DNAH11: variants seen among roughly 807,000 people sequenced by gnomAD.
DNAH11 encodes dynein axonemal heavy chain 11.
A neutral mutation model predicts 526.0 loss-of-function variants in DNAH11; 442 were observed. The observed-to-expected ratio is 0.84, with a 90% CI of 0.78 to 0.91. The LOEUF (loss-of-function observed/expected upper bound fraction) is 0.91, where lower values mean the gene tolerates loss of function less well. Ranked by LOEUF, DNAH11 falls within the 40% of genes least tolerant of loss-of-function variation. The pLI is 0.00. For synonymous variants in DNAH11, 2,461 were observed against 1,935.9 expected (o/e 1.27, Z -7.12); for missense variants, 6,989 against 5,448.7 (o/e 1.28, Z -8.90).
At chr7:21,807,064 A>C (rs771494644) in intron 62 of DNAH11, among the ~76,000 whole-genome samples, 33 of 152,228 alleles carry the variant, frequency 2.2e-4, no homozygotes, top group Non-Finnish European at 4.1e-4. Flanking sequence ...TGTTTTAACT[A>C]ATTAAGTAGA....
chr7:21,863,054 A>G (rs1783125710), intron 69 of DNAH11, among the ~76,000 whole-genome samples: 1 of 128,830 alleles, frequency 7.8e-6, no homozygotes, highest in African/African-American at 3.1e-5. Context: ...ACAGAGCGAG[A>G]CTCCGTCTCA....
At chr7:21,751,076 C>T (rs1786392729) in intron 54 of DNAH11, among the ~76,000 whole-genome samples, 1 of 152,122 alleles carries the variant, frequency 6.6e-6, no homozygotes, top group African/African-American at 2.4e-5. Flanking sequence ...GTAATCCCAG[C>T]ACTTTAGGAA....
intron 65 of DNAH11, among the ~76,000 whole-genome samples, chr7:21,819,735 T>C (rs1324269501): frequency 1.3e-5 from 2 of 152,224 alleles, no homozygotes; most frequent in Admixed American, 1.3e-4. Flanking sequence ...ATTTGAGTCA[T>C]GATTCTCAGT....
chr7:21,649,122 G>C (rs1291588658), intron 28 of DNAH11, among the ~76,000 whole-genome samples: 1 of 152,082 alleles, frequency 6.6e-6, no homozygotes, highest in Non-Finnish European at 1.5e-5. Context: ...ACCCACCAAA[G>C]GCTAAAATTA....
intron 28 of DNAH11, among the ~76,000 whole-genome samples, chr7:21,650,213 A>G (rs1281844920): frequency 1.3e-5 from 2 of 152,218 alleles, no homozygotes; most frequent in African/African-American, 4.8e-5. Context: ...ATATACGGAT[A>G]TGTTTAAGTT....
intron 63 of DNAH11, among the ~76,000 whole-genome samples, chr7:21,815,371 C>A (rs1409073196): frequency 6.6e-6 from 1 of 152,162 alleles, no homozygotes; most frequent in African/African-American, 2.4e-5. Context: ...TTCAATATCA[C>A]TCGGAGATAG....
At chr7:21,789,704 T>A (rs895834890) in intron 61 of DNAH11, among the ~76,000 whole-genome samples, 4 of 152,306 alleles carry the variant, frequency 2.6e-5, no homozygotes, top group Non-Finnish European at 4.4e-5. Context: ...AGTTAACCTC[T>A]ATGAGCCTCT....
rs555394522 is a variant in DNAH11, at chr7:21,616,151, G to A, written c.4012-58G>A. 5 of 1,303,050 alleles carry A rather than the reference G, an allele frequency of 3.8e-6. No individual in the cohort carries two copies. The African/African-American group carries it at 7.3e-5, about 19-fold the overall frequency. 80.7% of individuals were successfully genotyped at this position (1,303,050 alleles called of 1,614,324 possible). ...GTATCATCAGTTTATATATTTTGCT[G>A]CAGAGACTTGCTTTCACCAAATGTT... On this transcript the variant is annotated intron_variant, in intron 21 of 81. Coordinates refer to ENST00000409508, the MANE Select transcript of DNAH11 (RefSeq NM_001277115.2).
rs1789817900 is a variant in DNAH11 at position 21,816,836 on chromosome 7, C to T, written c.10568+134C>T. The T allele has an allele frequency of 7.0e-6, 5 of 716,570 alleles. No homozygotes were observed. The Middle Eastern group carries it at 1.2e-3, about 171-fold the overall frequency. The allele number at this position is 716,570 out of a possible 1,614,324, so 44.4% of individuals were successfully genotyped here. On this transcript the variant is annotated intron_variant, in intron 64 of 81. Transcript: ENST00000409508. Reference sequence around the variant, plus strand: ...CAATTTGGTGCTATTTGTTTATCTGCCTGTTCATGTTTCATATAAAGTATC... The same window carrying T: ...CAATTTGGTGCTATTTGTTTATCTGTCTGTTCATGTTTCATATAAAGTATC...
At chr7:21,837,124 A>G (rs1001012502) in intron 65 of DNAH11, among the ~76,000 whole-genome samples, 1 of 152,210 alleles carries the variant, frequency 6.6e-6, no homozygotes, top group Admixed American at 6.5e-5. Flanking sequence ...AGAAAAGGGG[A>G]TGCTTATACA....
At chr7:21,829,060 C>A (rs1790435680) in intron 65 of DNAH11, among the ~76,000 whole-genome samples, 1 of 152,172 alleles carries the variant, frequency 6.6e-6, no homozygotes, top group Non-Finnish European at 1.5e-5. Flanking sequence ...CAACTCCCCT[C>A]TTGTGGTTTG....
At chr7:21,830,499 G>A (rs149882395) in intron 65 of DNAH11, among the ~76,000 whole-genome samples, 55 of 152,262 alleles carry the variant, frequency 3.6e-4, no homozygotes, top group African/African-American at 1.3e-3. Flanking sequence ...ACCCTCTTGT[G>A]ATAGAAAGTC....
At chr7:21,668,921 A>G (rs1782527024) in intron 30 of DNAH11, among the ~76,000 whole-genome samples, 3 of 152,190 alleles carry the variant, frequency 2.0e-5, no homozygotes, top group Admixed American at 1.3e-4. Context: ...ACAGTTCTCT[A>G]TTGTTAATAC....
intron 68 of DNAH11, among the ~76,000 whole-genome samples, chr7:21,858,168 A>C (rs1283136065): frequency 2.0e-5 from 3 of 152,224 alleles, no homozygotes; most frequent in Non-Finnish European, 4.4e-5. Flanking sequence ...GCAAAATAAA[A>C]GCAGAATGAG....
intron 54 of DNAH11, among the ~76,000 whole-genome samples, chr7:21,761,905 T>C (rs1385708852): frequency 6.6e-6 from 1 of 152,168 alleles, no homozygotes; most frequent in African/African-American, 2.4e-5. Context: ...CGAGACTGGA[T>C]AATTTATAAA....
At chr7:21,752,446 G>A (rs1187958186) in intron 54 of DNAH11, among the ~76,000 whole-genome samples, 1 of 151,976 alleles carries the variant, frequency 6.6e-6, no homozygotes, top group African/African-American at 2.4e-5. Flanking sequence ...CTTTTCTATT[G>A]GATTGTACAT....
intron 25 of DNAH11, among the ~76,000 whole-genome samples, chr7:21,630,267 T>G (rs1392861116): frequency 6.6e-6 from 1 of 152,188 alleles, no homozygotes; most frequent in Non-Finnish European, 1.5e-5. Flanking sequence ...TTTTATATTG[T>G]CTATCTCTTA....
intron 14 of DNAH11, among the ~76,000 whole-genome samples, chr7:21,596,378 G>A (rs892680348): frequency 3.3e-5 from 5 of 152,198 alleles, no homozygotes; most frequent in Non-Finnish European, 5.9e-5. Context: ...GTGTCCTGAC[G>A]TGTAAGGGAG....
chr7:21,896,638 C>T (rs1485577935), intron 79 of DNAH11, among the ~76,000 whole-genome samples: 1 of 152,226 alleles, frequency 6.6e-6, no homozygotes, highest in Non-Finnish European at 1.5e-5. Context: ...GTATTCTCCT[C>T]ATGTCTACAT....
Sources: gnomAD v4.1 joint callset for allele counts (sites outside exome capture counted in the v4.1 genomes callset) on GRCh38, gnomAD v4.1.1 for gene constraint, MANE v1.5 for transcripts, NCBI Gene and HGNC (gene_info 2026-07-23, HGNC 2026-07-21) for gene names.